XPO4: variants seen among roughly 807,000 people sequenced by gnomAD.
XPO4 encodes exportin 4.
XPO4 carries 39 observed loss-of-function variants against 143.0 expected under a neutral mutation model. The observed-to-expected ratio is 0.27, with a 90% CI of 0.21 to 0.36. XPO4 has a LOEUF of 0.36. Among genes scored for constraint, XPO4 ranks in the 10% least tolerant of loss-of-function variants. The pLI is 1.00. For missense variants in XPO4, 907 were observed against 1,348.0 expected, an observed-to-expected ratio of 0.67 and a Z score of 5.12; for synonymous variants, 439 against 474.0, an observed-to-expected ratio of 0.93 and a Z score of 0.96.
Position 20,854,540 on chromosome 13 carries a change from A to C in XPO4, c.456+1087T>G, listed in dbSNP as rs140281732. The stretch of plus-strand genomic sequence containing the variant: ...CACATAGATATCTTTAAAATGATTA[A>C]ATAAATTGTAAAGGTAATAAGCTAC... On this transcript the variant is annotated intron_variant, in intron 4 of 22. Coordinates refer to ENST00000255305, the MANE Select transcript of XPO4 (RefSeq NM_022459.5). Among the ~76,000 whole-genome samples, 118 of 152,360 alleles carry C rather than the reference A, an allele frequency of 7.7e-4. 1 individual carries two copies. Among genetic ancestry groups the C allele is most frequent in the African/African-American group, 2.8e-3 (117 of 41,588 alleles).
At chr13:20,853,370 A>G in intron 4 of XPO4, among the ~76,000 whole-genome samples, 1 of 148,108 alleles carries the variant, frequency 6.8e-6, no homozygotes, top group Non-Finnish European at 1.5e-5. Flanking sequence ...CTACCCAGGT[A>G]CAGTAGCCTG....
In XPO4 at chr13:20,780,524, G is replaced by T. The variant is rs914325234; in HGVS notation, c.*3198C>A. 3 of 152,108 alleles carry T rather than the reference G, an allele frequency of 2.0e-5. No homozygotes were observed. The highest frequency in any genetic ancestry group is 4.4e-5 in the Non-Finnish European group (3 of 68,022). 9.4% of individuals were successfully genotyped at this position (152,108 alleles called of 1,614,324 possible). A position where few individuals can be genotyped will look rare whatever the true frequency, so the allele number is the denominator to read the frequency against. On this transcript the variant is annotated 3_prime_UTR_variant, in exon 23 of 23. Transcript: ENST00000255305. ...AGTGTTAAATAATGCTGACTGGGGG[G>T]AAATGATATAGATACTTGCTTTTCA...
chr13:20,802,308 T>G (rs1441100358), intron 13 of XPO4, among the ~76,000 whole-genome samples: 2 of 152,178 alleles, frequency 1.3e-5, no homozygotes, highest in African/African-American at 4.8e-5. Flanking sequence ...TCCTCCCACC[T>G]TGGCCTCCCC....
rs1392300359 is a variant in XPO4 at position 20,800,290 on chromosome 13, A to T, written c.2013T>A (p.Asp671Glu). The T allele has an allele frequency of 6.2e-7, 1 of 1,614,154 alleles. No homozygotes were observed. The highest frequency in any genetic ancestry group is 2.2e-5 in the East Asian group (1 of 44,882). ...SLPFSTAFGA[D>E]TEGSQWIIGY... ...CAATTATCCACTGAGAACCCTCTGT[A>T]TCTGCTCCGAACGCTGTACTGAATG... Residue 671 changes from aspartate to glutamate, a missense_variant, in exon 15 of 23, where the codon GAT becomes GAA. Coordinates refer to ENST00000255305, the MANE Select transcript of XPO4 (RefSeq NM_022459.5).
intron 1 of XPO4, among the ~76,000 whole-genome samples, chr13:20,890,860 C>T (rs971568942): frequency 1.3e-4 from 19 of 149,012 alleles, no homozygotes; most frequent in Admixed American, 5.4e-4. Flanking sequence ...GTAATCTCAG[C>T]ACTTTGGGAA....
chr13:20,896,130 T>C (rs570116387), intron 1 of XPO4, among the ~76,000 whole-genome samples: 3 of 152,332 alleles, frequency 2.0e-5, no homozygotes, highest in East Asian at 1.9e-4. Context: ...ATTCTAACTT[T>C]CTATTCTTTT....
At chr13:20,887,077 A>T (rs35063237) in intron 1 of XPO4, among the ~76,000 whole-genome samples, 7,742 of 152,248 alleles carry the variant, frequency 0.051, 291 homozygotes, top group African/African-American at 0.1. Flanking sequence ...TCTCAAAAAA[A>T]AAATAAATAA....
intron 9 of XPO4, among the ~76,000 whole-genome samples, chr13:20,812,940 C>T (rs1369882090): frequency 1.3e-5 from 2 of 152,134 alleles, no homozygotes; most frequent in South Asian, 2.1e-4. Flanking sequence ...CATTATCTCA[C>T]TGCTGTAAAG....
In XPO4 at chr13:20,803,918, G is replaced by A. The variant is rs1161472804; in HGVS notation, c.1818-2928C>T. 1.3e-5 allele frequency among the ~76,000 whole-genome samples: 2 copies of A among 152,112 alleles called. No individual in the cohort carries two copies. The highest frequency in any genetic ancestry group is 2.9e-5 in the Non-Finnish European group (2 of 68,018). Reference sequence around the variant, plus strand: ...CTATTCTCTAGATGTTTACAGTTAAGGGAACAAATTAATAAGATTTACTAA... The same window carrying A: ...CTATTCTCTAGATGTTTACAGTTAAAGGAACAAATTAATAAGATTTACTAA... On this transcript the variant is annotated intron_variant, in intron 13 of 22. Transcript: ENST00000255305. This position sits in a 1 kb window ranked among gnomAD's most constrained non-coding sequence, Gnocchi z 4.1.
intron 13 of XPO4, among the ~76,000 whole-genome samples, chr13:20,802,233 A>AT (rs1678074906): frequency 1.3e-5 from 2 of 151,814 alleles, no homozygotes; most frequent in Admixed American, 6.6e-5. Flanking sequence ...GATTTAAAAA[A>AT]TTTTTGTAAA....
chr13:20,812,906 AAAG>A (rs1202566566), intron 9 of XPO4, among the ~76,000 whole-genome samples: 17 of 152,322 alleles, frequency 1.1e-4, no homozygotes, highest in African/African-American at 3.9e-4. Flanking sequence ...AAGCCATAAA[AAAG>A]AATAGATCTG....
intron 9 of XPO4, among the ~76,000 whole-genome samples, chr13:20,819,837 C>T (rs2059696716): frequency 6.6e-6 from 1 of 152,168 alleles, no homozygotes; most frequent in Admixed American, 6.5e-5. Context: ...GCTGTATACT[C>T]CCCTGGTCCT....
At chr13:20,833,759 G>T (rs2059881219) in intron 6 of XPO4, among the ~76,000 whole-genome samples, 1 of 152,116 alleles carries the variant, frequency 6.6e-6, no homozygotes, top group Admixed American at 6.6e-5. Context: ...GGTCTAGGCT[G>T]AAGTACAATT....
intron 1 of XPO4, among the ~76,000 whole-genome samples, chr13:20,872,837 T>C (rs1417350345): frequency 1.3e-5 from 2 of 152,122 alleles, no homozygotes; most frequent in East Asian, 1.9e-4. Flanking sequence ...CTTAAGGCTG[T>C]CTGGTAGAAA....
intron 13 of XPO4, among the ~76,000 whole-genome samples, chr13:20,804,790 C>T (rs1451061955): frequency 6.6e-6 from 1 of 152,130 alleles, no homozygotes; most frequent in African/African-American, 2.4e-5. Flanking sequence ...ATTTGTATGT[C>T]ATAAATCCAA....
At chr13:20,829,816 T>C (rs147234903) in intron 6 of XPO4, among the ~76,000 whole-genome samples, 57 of 152,240 alleles carry the variant, frequency 3.7e-4, no homozygotes, top group Non-Finnish European at 7.1e-4. Flanking sequence ...AAAGATTCAA[T>C]AAATCTTACA....
At position 20,835,627 on chromosome 13, in the gene XPO4, T is replaced by G. The variant is rs1016158305; in HGVS notation, c.727+7268A>C. Among the ~76,000 whole-genome samples the G allele has an allele frequency of 7.2e-5, 11 of 152,140 alleles. No homozygotes were observed. In the East Asian group the frequency reaches 1.9e-3, roughly 27 times the overall value. On this transcript the variant is annotated intron_variant, in intron 6 of 22. Transcript: ENST00000255305. The stretch of plus-strand genomic sequence containing the variant: ...CTAAGCTTAAAGCATAAAACAACAT[T>G]TCCTTGGCACAAACCCCCATTCCCT...
chr13:20,837,103 G>A (rs909726348), intron 6 of XPO4, among the ~76,000 whole-genome samples: 6 of 152,126 alleles, frequency 3.9e-5, no homozygotes, highest in African/African-American at 1.2e-4. Flanking sequence ...TACTCATATA[G>A]TATTATGAAT....
At chr13:20,834,446 C>T (rs1044488699) in intron 6 of XPO4, among the ~76,000 whole-genome samples, 2 of 151,484 alleles carry the variant, frequency 1.3e-5, no homozygotes, top group African/African-American at 4.9e-5. Context: ...ATGATGCGTG[C>T]CTATAGTCCC....
Sources: allele counts gnomAD v4.1 joint callset (sites outside exome capture counted in the v4.1 genomes callset), GRCh38; gene constraint gnomAD v4.1.1; non-coding constraint Gnocchi (gnomAD v3.1); transcripts MANE v1.5; gene names NCBI Gene and HGNC (gene_info 2026-07-23, HGNC 2026-07-21).